The following HS3ST2 variants were observed in gnomAD, a reference collection of about 807,000 sequenced individuals.
HS3ST2 encodes heparan sulfate-glucosamine 3-sulfotransferase 2, also known as heparan sulfate glucosamine 3-O-sulfotransferase 2.
A neutral mutation model predicts 26.3 loss-of-function variants in HS3ST2; 17 were observed. That is an observed-to-expected ratio of 0.65 (90% CI 0.44 to 0.97). The LOEUF (loss-of-function observed/expected upper bound fraction) is 0.97. Ranked by LOEUF, HS3ST2 falls within the 50% of genes least tolerant of loss-of-function variation. The probability of loss-of-function intolerance (pLI) is 0.00; values close to 1 mark genes in which losing one functional copy is unlikely to be tolerated. For synonymous variants in HS3ST2, 237 were observed against 219.2 expected (o/e 1.08, Z -0.72); for missense variants, 402 against 501.2 (o/e 0.80, Z 1.89).
intron 1 of HS3ST2, among the ~76,000 whole-genome samples, chr16:22,882,341 AAC>A (rs1451911586): frequency 6.6e-6 from 1 of 152,146 alleles, no homozygotes; most frequent in Non-Finnish European, 1.5e-5. Flanking sequence ...CAGTCTGGGC[AAC>A]ACAGCAAGAC....
intron 1 of HS3ST2, among the ~76,000 whole-genome samples, chr16:22,908,043 C>G (rs889901351): frequency 6.6e-6 from 1 of 152,140 alleles, no homozygotes. Flanking sequence ...AGGAGGATTG[C>G]GTGAGCCTGG....
At chr16:22,872,521 C>T (rs1901852038) in intron 1 of HS3ST2, among the ~76,000 whole-genome samples, 1 of 152,062 alleles carries the variant, frequency 6.6e-6, no homozygotes, top group Admixed American at 6.5e-5. Flanking sequence ...AATTGGGCAA[C>T]ACTGGACCTG....
intron 1 of HS3ST2, among the ~76,000 whole-genome samples, chr16:22,866,767 GC>G (rs1901764113): frequency 6.6e-6 from 1 of 152,068 alleles, no homozygotes; most frequent in Non-Finnish European, 1.5e-5. Context: ...TTATGTCACT[GC>G]ACTCCAGCCT....
chr16:22,860,566 A>G (rs1901660538), intron 1 of HS3ST2, among the ~76,000 whole-genome samples: 1 of 152,102 alleles, frequency 6.6e-6, no homozygotes. Context: ...CTTTTGGGGA[A>G]GGAGTCTGTC....
At chr16:22,895,525 T>G (rs935208861) in intron 1 of HS3ST2, among the ~76,000 whole-genome samples, 1 of 152,194 alleles carries the variant, frequency 6.6e-6, no homozygotes, top group African/African-American at 2.4e-5. Context: ...TCCTAATGTA[T>G]CTTCACCTCT....
intron 1 of HS3ST2, among the ~76,000 whole-genome samples, chr16:22,886,880 C>T (rs1902067285): frequency 6.6e-6 from 1 of 152,024 alleles, no homozygotes; most frequent in Admixed American, 6.6e-5. Flanking sequence ...CCCACCTCAG[C>T]CTCCCAAGTA....
chr16:22,844,859 CTT>C (rs927503503), intron 1 of HS3ST2, among the ~76,000 whole-genome samples: 10 of 145,282 alleles, frequency 6.9e-5, no homozygotes, highest in Admixed American at 6.9e-5. Context: ...TCTTTTCTTT[CTT>C]TTTTTTTTTT....
At chr16:22,824,593 T>C (rs1901055293) in intron 1 of HS3ST2, among the ~76,000 whole-genome samples, 1 of 152,010 alleles carries the variant, frequency 6.6e-6, no homozygotes, top group African/African-American at 2.4e-5. Flanking sequence ...CCATGAAGCT[T>C]ATACACAGGG....
chr16:22,905,162 T>C (rs147615597), intron 1 of HS3ST2, among the ~76,000 whole-genome samples: 57 of 152,296 alleles, frequency 3.7e-4, no homozygotes, highest in African/African-American at 1.4e-3. Flanking sequence ...ATAAAGAGTG[T>C]ACAAATTTAG....
chr16:22,902,381 T>C (rs2141204905), intron 1 of HS3ST2, among the ~76,000 whole-genome samples: 1 of 152,268 alleles, frequency 6.6e-6, no homozygotes, highest in South Asian at 2.1e-4. Context: ...GCTTAGACAA[T>C]AGTCCAGGGG....
At chr16:22,824,184 G>T (rs1309047657) in intron 1 of HS3ST2, among the ~76,000 whole-genome samples, 3 of 152,308 alleles carry the variant, frequency 2.0e-5, no homozygotes, top group Non-Finnish European at 4.4e-5. Flanking sequence ...GAGAGAGGAC[G>T]TCCCTTTTGT....
At chr16:22,841,781 G>A (rs1047568405) in intron 1 of HS3ST2, among the ~76,000 whole-genome samples, 2 of 152,120 alleles carry the variant, frequency 1.3e-5, no homozygotes, top group South Asian at 2.1e-4. Context: ...TCAGTTGCCT[G>A]TAGTGGTTTT....
At chr16:22,912,490 C>T (rs1902435730) in intron 1 of HS3ST2, among the ~76,000 whole-genome samples, 1 of 152,090 alleles carries the variant, frequency 6.6e-6, no homozygotes, top group Admixed American at 6.5e-5. Context: ...GGCAGGCGAG[C>T]CTTGGGGAGT....
At chr16:22,881,261 G>T (rs1901986660) in intron 1 of HS3ST2, among the ~76,000 whole-genome samples, 1 of 152,202 alleles carries the variant, frequency 6.6e-6, no homozygotes, top group African/African-American at 2.4e-5. Context: ...ACTTCAGCAG[G>T]TGATTTGTGA....
At chr16:22,837,174 C>T (rs1901269714) in intron 1 of HS3ST2, among the ~76,000 whole-genome samples, 2 of 151,348 alleles carry the variant, frequency 1.3e-5, no homozygotes, top group Non-Finnish European at 2.9e-5. Context: ...TCAGACTGTC[C>T]TGAGTTCAAC....
At chr16:22,868,052 T>G (rs1215075554) in intron 1 of HS3ST2, among the ~76,000 whole-genome samples, 1 of 152,150 alleles carries the variant, frequency 6.6e-6, no homozygotes, top group Non-Finnish European at 1.5e-5. Context: ...GATTCTGCTT[T>G]TTTAAAAAAA....
chr16:22,908,155 G>A (rs1450242712), intron 1 of HS3ST2, among the ~76,000 whole-genome samples: 1 of 152,162 alleles, frequency 6.6e-6, no homozygotes, highest in Non-Finnish European at 1.5e-5. Flanking sequence ...CAGCATGAGA[G>A]AAGTGGAATG....
intron 1 of HS3ST2, among the ~76,000 whole-genome samples, chr16:22,830,419 C>A (rs1315995311): frequency 6.6e-6 from 1 of 152,138 alleles, no homozygotes; most frequent in Non-Finnish European, 1.5e-5. Flanking sequence ...AGGGGTGCAC[C>A]ATAAAGATCA....
intron 1 of HS3ST2, among the ~76,000 whole-genome samples, chr16:22,832,535 T>C (rs192820653): frequency 3.9e-5 from 6 of 152,054 alleles, no homozygotes; most frequent in Admixed American, 6.6e-5. Flanking sequence ...TCCTGAATGA[T>C]GTTGGGGTCT....
Sources: gnomAD v4.1 joint callset for allele counts (sites outside exome capture counted in the v4.1 genomes callset) on GRCh38, gnomAD v4.1.1 for gene constraint, MANE v1.5 for transcripts, NCBI Gene and HGNC (gene_info 2026-07-23, HGNC 2026-07-21) for gene names.